Variants in P2RX3 observed in about 807,000 individuals in gnomAD.
The protein encoded by P2RX3 is purinergic receptor P2X 3, also known as P2X purinoceptor 3.
P2RX3 carries 41 observed loss-of-function variants against 51.5 expected under a neutral mutation model. The observed-to-expected ratio is 0.80, with a 90% confidence interval of 0.62 to 1.03. The LOEUF (loss-of-function observed/expected upper bound fraction) is 1.03, where lower values mean the gene tolerates loss of function less well. P2RX3 is among the 50% of genes least tolerant of loss of function. The pLI, the probability that P2RX3 is intolerant of heterozygous loss-of-function variation, is 0.00. For synonymous variants in P2RX3, 185 were observed against 191.6 expected (o/e 0.97, Z 0.29); for missense variants, 459 against 522.1 (o/e 0.88, Z 1.18).
intron 9 of P2RX3, 116 bp downstream of exon 9, chr11:57,368,218 C>A: frequency 7.7e-7 from 1 of 1,304,530 alleles, no homozygotes; most frequent in South Asian, 1.2e-5. Flanking sequence ...GCTTTGACAC[C>A]CTCAGTGGGT....
At chr11:57,348,811 C>T (rs1342535704) in intron 6 of P2RX3, 107 bp downstream of exon 6, 2 of 775,726 alleles carry the variant, frequency 2.6e-6, no homozygotes, top group African/African-American at 1.7e-5. Context: ...TTCCCACTTT[C>T]GCTCCACTGA....
chr11:57,349,919 C>T, intron 7 of P2RX3, 21 bp downstream of exon 7: 2 of 1,613,586 alleles, frequency 1.2e-6, no homozygotes, highest in Non-Finnish European at 1.7e-6. Context: ...AGCCATTCTT[C>T]CGCGACCCCA....
At chr11:57,353,620 T>C (rs1856581333) in intron 8 of P2RX3, among the ~76,000 whole-genome samples, 3 of 138,886 alleles carry the variant, frequency 2.2e-5, no homozygotes, top group African/African-American at 5.0e-5. Context: ...GCACAATTCA[T>C]AGCCCGGCCT....
chr11:57,346,976 C>A, intron 2 of P2RX3, 140 bp from the exon 3 acceptor site: 1 of 922,668 alleles, frequency 1.1e-6, no homozygotes, highest in Non-Finnish European at 1.7e-6. Flanking sequence ...CTCTGCCCCT[C>A]ACCAGCCCTG....
chr11:57,340,126 T>C (rs1338281196), intron 1 of P2RX3, among the ~76,000 whole-genome samples: 5 of 152,210 alleles, frequency 3.3e-5, no homozygotes, highest in Admixed American at 2.0e-4. Flanking sequence ...TGTGTTCACG[T>C]GTATATTCAA....
intron 10 of P2RX3, among the ~76,000 whole-genome samples, chr11:57,368,778 G>A (rs955415744): frequency 1.3e-5 from 2 of 152,146 alleles, no homozygotes; most frequent in Admixed American, 6.5e-5. Context: ...CAGAGCCCAC[G>A]TGGCATGGTG....
chr11:57,348,325 G>A, intron 5 of P2RX3, 62 bp downstream of exon 5: 2 of 1,432,396 alleles, frequency 1.4e-6, no homozygotes, highest in Non-Finnish European at 9.5e-7. Flanking sequence ...TTGCCCATGT[G>A]GGAGCCGTGC....
intron 1 of P2RX3, among the ~76,000 whole-genome samples, chr11:57,344,459 G>A (rs915921963): frequency 6.6e-6 from 1 of 152,178 alleles, no homozygotes; most frequent in Non-Finnish European, 1.5e-5. Flanking sequence ...AGCACTTTGG[G>A]AGGCCAAGGC....
chr11:57,353,848 C>CG (rs1565067640), intron 8 of P2RX3, among the ~76,000 whole-genome samples: 1 of 126,292 alleles, frequency 7.9e-6, no homozygotes, highest in Non-Finnish European at 1.6e-5. Flanking sequence ...CCCCCCCCCC[C>CG]GCCCCTATTT....
chr11:57,368,781 G>T (rs1045054363), intron 10 of P2RX3, among the ~76,000 whole-genome samples: 10 of 152,156 alleles, frequency 6.6e-5, no homozygotes, highest in African/African-American at 2.2e-4. Context: ...AGCCCACGTG[G>T]CATGGTGGGC....
chr11:57,371,858 G>A lies in P2RX3; in HGVS notation c.*1861G>A, dbSNP rs1240525054. ...GGGTCACAGGGATTCTCTCTAATGG[G>A]GAGATGGAGGCAGTGGTGTCCTGAA... On this transcript the variant is annotated 3_prime_UTR_variant, in exon 12 of 12. Transcript: ENST00000263314. Among the ~76,000 whole-genome samples, 1 of 152,190 alleles carries A rather than the reference G, an allele frequency of 6.6e-6. No homozygotes were observed. Among genetic ancestry groups the A allele is most frequent in the African/African-American group, 2.4e-5 (1 of 41,446 alleles).
intron 6 of P2RX3, among the ~76,000 whole-genome samples, chr11:57,349,228 C>T (rs1415708432): frequency 1.3e-5 from 2 of 150,560 alleles, no homozygotes; most frequent in East Asian, 2.0e-4. Context: ...TTTGGGAGGC[C>T]GAGAAGGGTG....
In P2RX3 at chr11:57,338,583, G is replaced by A; in HGVS notation, c.33G>A (p.Glu11=). The part of the protein sequence containing the change: MNCISDFFTY[E]TTKSVVVKSW... Reference sequence around the variant, plus strand: ...GCATATCCGACTTCTTCACCTATGAGACCACCAAGTCGGTGGTTGTGAAGA... The same window carrying A: ...GCATATCCGACTTCTTCACCTATGAAACCACCAAGTCGGTGGTTGTGAAGA... The change falls in exon 1 of 12, where the codon GAG becomes GAA. Residue 11 remains glutamate (E), a synonymous_variant. Transcript: ENST00000263314. 1 of 1,595,278 alleles carries A rather than the reference G, an allele frequency of 6.3e-7. No individual in the cohort carries two copies. Among genetic ancestry groups the A allele is most frequent in the Non-Finnish European group, 8.6e-7 (1 of 1,164,616 alleles).
chr11:57,366,529 T>C (rs952644801), intron 8 of P2RX3, among the ~76,000 whole-genome samples: 4 of 152,158 alleles, frequency 2.6e-5, no homozygotes, highest in African/African-American at 4.8e-5. Flanking sequence ...GCACCAGCTC[T>C]GGGTAACCCC....
chr11:57,358,307 T>C lies in P2RX3; in HGVS notation c.842+7409T>C, dbSNP rs1336879113. ...TTTGTAGATAATGTAGGGAGAACTTTGAAGGTCTCTTTCAACTTCCAGATT... is the reference window on the plus strand; with the variant it reads ...TTTGTAGATAATGTAGGGAGAACTTCGAAGGTCTCTTTCAACTTCCAGATT... On this transcript the variant is annotated intron_variant, in intron 8 of 11. Coordinates refer to ENST00000263314, the MANE Select transcript of P2RX3 (RefSeq NM_002559.5). Among the ~76,000 whole-genome samples, 4 of 152,232 alleles carry C rather than the reference T, an allele frequency of 2.6e-5. No individual in the cohort carries two copies. The East Asian group carries it at 7.7e-4, about 29-fold the overall frequency.
At chr11:57,369,067 T>C (rs1489293127) in intron 10 of P2RX3, among the ~76,000 whole-genome samples, 4 of 152,146 alleles carry the variant, frequency 2.6e-5, no homozygotes, top group African/African-American at 9.7e-5. Flanking sequence ...AATCCATTAA[T>C]CCATGCATCC....
chr11:57,347,612 G>A (rs1856463503), intron 4 of P2RX3, 134 bp downstream of exon 4: 2 of 998,200 alleles, frequency 2.0e-6, no homozygotes, highest in East Asian at 2.6e-5. Context: ...TGCTCCCTGG[G>A]TGCCACACCC....
intron 8 of P2RX3, among the ~76,000 whole-genome samples, chr11:57,365,271 G>A (rs1442679155): frequency 6.6e-6 from 1 of 152,196 alleles, no homozygotes; most frequent in Non-Finnish European, 1.5e-5. Context: ...CCAGGTAAAG[G>A]GAAGGGAACT....
intron 10 of P2RX3, 140 bp from the exon 11 acceptor site, chr11:57,369,221 A>C: frequency 4.2e-6 from 3 of 713,510 alleles, no homozygotes; most frequent in Non-Finnish European, 4.8e-6. Context: ...CACTATCCCA[A>C]AAGTTTGTTG....
Sources: gnomAD v4.1 joint callset for allele counts (sites outside exome capture counted in the v4.1 genomes callset) on GRCh38, gnomAD v4.1.1 for gene constraint, MANE v1.5 for transcripts, NCBI Gene and HGNC (gene_info 2026-07-23, HGNC 2026-07-21) for gene names.